PIEZO2: variants seen among roughly 807,000 people sequenced by gnomAD.
The protein encoded by PIEZO2 is piezo type mechanosensitive ion channel component 2, also known as piezo-type mechanosensitive ion channel component 2.
PIEZO2 carries 172 observed loss-of-function variants against 337.3 expected under a neutral mutation model. That is an observed-to-expected ratio of 0.51 (90% CI 0.45 to 0.58). The LOEUF (loss-of-function observed/expected upper bound fraction) is 0.58. PIEZO2 is among the 20% of genes least tolerant of loss of function. The probability of loss-of-function intolerance (pLI) is 0.00; values close to 1 mark genes in which losing one functional copy is unlikely to be tolerated. For synonymous variants in PIEZO2, 1,251 were observed against 1,228.5 expected (o/e 1.02, Z -0.38); for missense variants, 3,028 against 3,391.3 (o/e 0.89, Z 2.66).
In PIEZO2 at chr18:10,929,898, A is replaced by G. The variant is rs2031975655; in HGVS notation, c.287-18670T>C. Among the ~76,000 whole-genome samples, 1 of 152,232 alleles carries G rather than the reference A, an allele frequency of 6.6e-6. No homozygotes were observed. The highest frequency in any genetic ancestry group is 1.9e-4 in the East Asian group (1 of 5,178). ...CAGGAGGCCCAAAGAAGCCTAAAAA[A>G]CCAGTTCAGACAATGACAGGAAGGT... On this transcript the variant is annotated intron_variant, in intron 3 of 55. Transcript: ENST00000674853. This position sits in a 1 kb window ranked among gnomAD's most constrained non-coding sequence, Gnocchi z 5.6.
At chr18:10,807,474 A>G (rs2144330682) in intron 7 of PIEZO2, among the ~76,000 whole-genome samples, 200 bp from the exon 8 acceptor site, 1 of 152,390 alleles carries the variant, frequency 6.6e-6, no homozygotes, top group Non-Finnish European at 1.5e-5. Context: ...TAATATGCAT[A>G]TAATATATAC....
In PIEZO2 at chr18:10,861,669, A is replaced by C. The variant is rs946239230; in HGVS notation, c.493-4458T>G. 2.6e-5 allele frequency among the ~76,000 whole-genome samples: 4 copies of C among 152,212 alleles called. No individual in the cohort carries two copies. The highest frequency in any genetic ancestry group is 5.9e-5 in the Non-Finnish European group (4 of 68,044). On this transcript the variant is annotated intron_variant, in intron 5 of 55. Coordinates refer to ENST00000674853, the MANE Select transcript of PIEZO2 (RefSeq NM_001378183.1). This position sits in a 1 kb window ranked among gnomAD's most constrained non-coding sequence, Gnocchi z 4.3. ...TACAAAATTTCACTTAGACATGAAG[A>C]ATGATTTTGGGGGACCTATTGCACT...
chr18:10,975,766 T>C (rs1189876515), intron 3 of PIEZO2, among the ~76,000 whole-genome samples: 1 of 152,168 alleles, frequency 6.6e-6, no homozygotes, highest in Non-Finnish European at 1.5e-5. Flanking sequence ...AAGAAGTTGT[T>C]AGGAAAACAA....
At chr18:10,731,220 T>TCC (rs2036772330) in intron 36 of PIEZO2, among the ~76,000 whole-genome samples, 187 bp downstream of exon 36, 1 of 139,450 alleles carries the variant, frequency 7.2e-6, no homozygotes, top group Non-Finnish European at 1.5e-5. Context: ...TATATATATC[T>TCC]CCTAACTTTG....
rs2034945349 is a variant in PIEZO2 at position 10,988,015 on chromosome 18, G to A, written c.161-8355C>T. Reference sequence around the variant, plus strand: ...ATACCACCTCTGCTGTGGTCTGAATGTGACCCCCAAAATTCATATGTTGAA... The same window carrying A: ...ATACCACCTCTGCTGTGGTCTGAATATGACCCCCAAAATTCATATGTTGAA... On this transcript the variant is annotated intron_variant, in intron 2 of 55. Coordinates refer to ENST00000674853, the MANE Select transcript of PIEZO2 (RefSeq NM_001378183.1). The surrounding 1 kb of genome is among the most constrained non-coding windows in gnomAD (Gnocchi z 4.8). Among the ~76,000 whole-genome samples, 1 of 152,110 alleles carries A rather than the reference G, an allele frequency of 6.6e-6. No homozygotes were observed. Among genetic ancestry groups the A allele is most frequent in the Admixed American group, 6.6e-5 (1 of 15,262 alleles).
chr18:10,740,958 G>T (rs1369750844), intron 33 of PIEZO2, 73 bp downstream of exon 33: 2 of 1,429,392 alleles, frequency 1.4e-6, no homozygotes, highest in East Asian at 5.0e-5. Context: ...ATGGGTCACG[G>T]GAACGCCTGA....
intron 1 of PIEZO2, among the ~76,000 whole-genome samples, chr18:11,091,922 G>C (rs764572896): frequency 6.6e-6 from 1 of 152,170 alleles, no homozygotes; most frequent in Non-Finnish European, 1.5e-5. Context: ...GCTTTCACAC[G>C]ACAACCTCCT....
At chr18:11,085,651 A>G (rs1353576805) in intron 1 of PIEZO2, among the ~76,000 whole-genome samples, 5 of 152,078 alleles carry the variant, frequency 3.3e-5, no homozygotes, top group Non-Finnish European at 7.3e-5. Context: ...TATGAAATGG[A>G]TCTCCTAACC....
intron 4 of PIEZO2, among the ~76,000 whole-genome samples, chr18:10,886,343 T>TATATATATATATACAC (rs561758653): frequency 2.1e-4 from 5 of 23,712 alleles, no homozygotes; most frequent in African/African-American, 9.3e-4. Flanking sequence ...TATATATATA[T>TATATATATATATACAC]ACACACACAC....
At position 10,726,833 on chromosome 18, in the gene PIEZO2, T is replaced by A; in HGVS notation, c.5029+4574A>T. ...CATGGGGTGCTGGATAATACCCGGA[T>A]GCCCCACCTTATGCAGGACTTGGCA... On this transcript the variant is annotated intron_variant, in intron 36 of 55. Coordinates refer to ENST00000674853, the MANE Select transcript of PIEZO2 (RefSeq NM_001378183.1). The surrounding 1 kb of genome is among the most constrained non-coding windows in gnomAD (Gnocchi z 5.9). 3 of 1,578,530 alleles carry A rather than the reference T, an allele frequency of 1.9e-6. No individual in the cohort carries two copies. The highest frequency in any genetic ancestry group is 1.7e-4 in the Middle Eastern group (1 of 5,974).
intron 14 of PIEZO2, among the ~76,000 whole-genome samples, chr18:10,789,643 A>G (rs147232682): frequency 4.7e-4 from 72 of 152,358 alleles, no homozygotes; most frequent in African/African-American, 1.7e-3. Flanking sequence ...GATAGCTTTA[A>G]GTACTGTGAG....
chr18:10,872,731 C>T lies in PIEZO2; in HGVS notation c.330-1316G>A, dbSNP rs574542056. Among the ~76,000 whole-genome samples the T allele has an allele frequency of 3.3e-5, 5 of 152,244 alleles. No individual in the cohort carries two copies. Among genetic ancestry groups the T allele is most frequent in the African/African-American group, 1.2e-4 (5 of 41,546 alleles). On this transcript the variant is annotated intron_variant, in intron 4 of 55. Transcript: ENST00000674853. The surrounding 1 kb of genome is among the most constrained non-coding windows in gnomAD (Gnocchi z 4.3). Reference sequence around the variant, plus strand: ...ATTAAAGCCACATGAAGAGCGATTCCCGGCATGTTCTCTGCTCACTCATAT... The same window carrying T: ...ATTAAAGCCACATGAAGAGCGATTCTCGGCATGTTCTCTGCTCACTCATAT...
chr18:10,832,026 G>T (rs955231765), intron 7 of PIEZO2, among the ~76,000 whole-genome samples: 2 of 152,094 alleles, frequency 1.3e-5, no homozygotes, highest in Non-Finnish European at 2.9e-5. Flanking sequence ...GGCCAGGTGC[G>T]GTGGCTCACA....
rs950922049 is a variant in PIEZO2, at chr18:11,031,483, C to A, written c.160+34644G>T. 6.6e-6 allele frequency among the ~76,000 whole-genome samples: 1 copy of A among 152,104 alleles called. No individual in the cohort carries two copies. Among genetic ancestry groups the A allele is most frequent in the African/African-American group, 2.4e-5 (1 of 41,414 alleles). On this transcript the variant is annotated intron_variant, in intron 2 of 55. Transcript: ENST00000674853. The surrounding 1 kb of genome is among the most constrained non-coding windows in gnomAD (Gnocchi z 4.7). The stretch of plus-strand genomic sequence containing the variant: ...TTTCATTTTGGTTTAGTTATTTCTT[C>A]AAAATAGCTGAATTTTATAACACTG...
chr18:10,741,166 G>T, intron 32 of PIEZO2, 64 bp from the exon 33 acceptor site: 2 of 1,409,464 alleles, frequency 1.4e-6, no homozygotes, highest in Non-Finnish European at 1.9e-6. Flanking sequence ...TGAAAACCAC[G>T]CTTTAACAAC....
intron 7 of PIEZO2, among the ~76,000 whole-genome samples, chr18:10,832,118 T>C (rs556457426): frequency 6.6e-6 from 1 of 152,148 alleles, no homozygotes; most frequent in African/African-American, 2.4e-5. Context: ...GCCAACATGG[T>C]GAAACACTGC....
intron 3 of PIEZO2, among the ~76,000 whole-genome samples, chr18:10,921,754 A>G (rs9953750): frequency 0.026 from 3,996 of 152,270 alleles, 78 homozygotes; most frequent in Middle Eastern, 0.051. Flanking sequence ...AATGGGAGAA[A>G]TATCACTGAA....
At chr18:10,699,301 T>A in intron 43 of PIEZO2, 124 bp from the exon 44 acceptor site, 1 of 1,323,756 alleles carries the variant, frequency 7.6e-7, no homozygotes, top group Non-Finnish European at 1.0e-6. Context: ...TGATATGGTT[T>A]GGCTGTGTCC....
At chr18:10,898,345 C>T (rs1477376520) in intron 4 of PIEZO2, among the ~76,000 whole-genome samples, 2 of 151,938 alleles carry the variant, frequency 1.3e-5, no homozygotes, top group Non-Finnish European at 2.9e-5. Flanking sequence ...GGCGTGAACC[C>T]AGGAGGCAGA....
Sources: allele counts gnomAD v4.1 joint callset (sites outside exome capture counted in the v4.1 genomes callset), GRCh38; gene constraint gnomAD v4.1.1; non-coding constraint Gnocchi (gnomAD v3.1); transcripts MANE v1.5; gene names NCBI Gene and HGNC (gene_info 2026-07-23, HGNC 2026-07-21).